GAL3ST4: variants seen among roughly 807,000 people sequenced by gnomAD.
GAL3ST4 encodes beta-galactose-3-O-sulfotransferase 4.
GAL3ST4 carries 30 observed loss-of-function variants against 31.6 expected under a neutral mutation model. That is an observed-to-expected ratio of 0.95 (90% CI 0.71 to 1.29). The LOEUF is 1.29. GAL3ST4 is among the 50% of genes most tolerant of loss of function. The pLI is 0.00. For missense variants in GAL3ST4, 629 were observed against 625.2 expected, an observed-to-expected ratio of 1.01 and a Z score of -0.06; for synonymous variants, 248 against 256.9, an observed-to-expected ratio of 0.97 and a Z score of 0.33.
chr7:100,166,948 G>A (rs1484055387), intron 2 of GAL3ST4, 23 bp downstream of exon 2: 3 of 1,592,382 alleles, frequency 1.9e-6, no homozygotes, highest in Non-Finnish European at 2.6e-6. Flanking sequence ...TCTAGAAGGA[G>A]TTGGGGCAAA....
Position 100,167,520 on chromosome 7 carries a change from A to G in GAL3ST4, c.-188-237T>C, listed in dbSNP as rs1271827502. The stretch of plus-strand genomic sequence containing the variant: ...CTGAGCCTTGGGGATTTATAAGGGA[A>G]GGAGAGAAAAAGCCCCAGCTCGTGA... On this transcript the variant is annotated intron_variant, in intron 1 of 3. Coordinates refer to ENST00000360039, the MANE Select transcript of GAL3ST4 (RefSeq NM_024637.5). 5 of 198,900 alleles carry G rather than the reference A, an allele frequency of 2.5e-5. No homozygotes were observed. The Admixed American group carries it at 2.7e-4, about 11-fold the overall frequency. The allele number at this position is 198,900 out of a possible 1,614,324, so 12.3% of individuals were successfully genotyped here.
Position 100,159,719 on chromosome 7 carries a change from C to CA in GAL3ST4, c.*208dup, listed in dbSNP as rs374600359. 47,707 of 421,046 alleles carry CA rather than the reference C, an allele frequency of 0.11. 276 individuals are homozygous for CA. Among genetic ancestry groups the CA allele is most frequent in the African/African-American group, 0.14 (6,421 of 44,868 alleles). The allele number at this position is 421,046 out of a possible 1,614,324, so 26.1% of individuals were successfully genotyped here. ...TGGGGGACAGAGCAAGACTCCGTTT[C>CA]AAAAAAAAAAAAAGTTGGGGGGAAA... On this transcript the variant is annotated 3_prime_UTR_variant, in exon 4 of 4. Transcript: ENST00000360039.
rs1004641639 is a variant in GAL3ST4 at position 100,166,518 on chromosome 7, C to G, written c.413G>C (p.Arg138Thr). The change falls in exon 3 of 4, where the codon AGG (arginine) becomes ACG (threonine). Residue 138 changes from arginine (R) to threonine (T), a missense_variant. Physicochemically the swap from Arg to Thr is moderately conservative, Grantham distance 71 (BLOSUM62 -1). Transcript: ENST00000360039. ...LPFHILCHHM[R>T]FNLKEVLQVM... ...ACTCCTTACCTCTTTCAGGTTGAAC[C>G]TCATGTGGTGACAGAGGATGTGGAA... The G allele has an allele frequency of 6.2e-7, 1 of 1,613,326 alleles. No homozygotes were observed. The highest frequency in any genetic ancestry group is 8.5e-7 in the Non-Finnish European group (1 of 1,179,590).
chr7:100,166,651 C>G lies in GAL3ST4; in HGVS notation c.280G>C (p.Gly94Arg). 6.2e-7 allele frequency: 1 copy of G among 1,614,188 alleles called. No individual in the cohort carries two copies. The highest frequency in any genetic ancestry group is 8.5e-7 in the Non-Finnish European group (1 of 1,180,028). Residue 94 changes from glycine (G) to arginine (R), a missense_variant, in exon 3 of 4, where the codon GGG (glycine) becomes CGG (arginine). Gly to Arg is a moderately radical substitution (Grantham distance 125). Coordinates refer to ENST00000360039, the MANE Select transcript of GAL3ST4 (RefSeq NM_024637.5). Reference sequence around the variant, plus strand: ...CGGGCAGGGAGGGCGAAGCGCAGCCCGTGCTGGTCCCCATAGCGGTGAAGC... The same window carrying G: ...CGGGCAGGGAGGGCGAAGCGCAGCCGGTGCTGGTCCCCATAGCGGTGAAGC... ...SLLHRYGDQH[G>R]LRFALPARYQ...
Position 100,167,140 on chromosome 7 carries a change from C to T in GAL3ST4, c.-45G>A, listed in dbSNP as rs1347300136. On this transcript the variant is annotated 5_prime_UTR_variant, in exon 2 of 4. An upstream open reading frame in the 5' UTR gains an earlier in-frame stop. Transcript: ENST00000360039. Reference sequence around the variant, plus strand: ...GGTGACAGAGAGATGGAGCCAGGGCCAGGAAGAGGGGCAGAGACAGCTGGA... The same window carrying T: ...GGTGACAGAGAGATGGAGCCAGGGCTAGGAAGAGGGGCAGAGACAGCTGGA... 1.9e-6 allele frequency: 3 copies of T among 1,551,788 alleles called. No homozygotes were observed. The highest frequency in any genetic ancestry group is 4.9e-5 in the East Asian group (2 of 40,988).
rs766188075 is a variant in GAL3ST4, at chr7:100,160,194, G to T, written c.1195C>A (p.Arg399Ser). The T allele has an allele frequency of 6.2e-7, 1 of 1,614,128 alleles. No homozygotes were observed. The highest frequency in any genetic ancestry group is 1.7e-5 in the Admixed American group (1 of 60,024). The part of the protein sequence containing the change: ...LQTAVAELRA[R>S]REALAKHCLV... The stretch of plus-strand genomic sequence containing the variant: ...CAATGTTTCGCTAGGGCCTCTCGGC[G>T]AGCCCGGAGCTCGGCCACAGCTGTC... The change falls in exon 4 of 4, where the codon CGC becomes AGC. Residue 399 changes from arginine (R) to serine (S), a missense_variant. Arg to Ser is a moderately radical substitution (Grantham distance 110). Transcript: ENST00000360039.
chr7:100,168,311 A>G lies in GAL3ST4; in HGVS notation c.-189+235T>C, dbSNP rs775581839. Reference sequence around the variant, plus strand: ...CTGCCCTCTCTGGCATCACTCCCCAATTCCCTCCCTGATCACAGCCCCTGG... The same window carrying G: ...CTGCCCTCTCTGGCATCACTCCCCAGTTCCCTCCCTGATCACAGCCCCTGG... On this transcript the variant is annotated intron_variant, in intron 1 of 3. Transcript: ENST00000360039. This position sits in a 1 kb window ranked among gnomAD's most constrained non-coding sequence, Gnocchi z 4.1. Among the ~76,000 whole-genome samples the G allele has an allele frequency of 2.0e-5, 3 of 151,666 alleles. No homozygotes were observed. The highest frequency in any genetic ancestry group is 4.4e-5 in the Non-Finnish European group (3 of 67,922).
At chr7:100,165,181 T>C (rs1238589991) in intron 3 of GAL3ST4, among the ~76,000 whole-genome samples, 1 of 151,526 alleles carries the variant, frequency 6.6e-6, no homozygotes, top group South Asian at 2.1e-4. Context: ...GCCTTTTTTT[T>C]CTTTTGTGAA....
rs61284255 is a variant in GAL3ST4 at position 100,165,819 on chromosome 7, TCACA to T, written c.429+679_429+682del. Among the ~76,000 whole-genome samples, 590 of 136,358 alleles carry T rather than the reference TCACA, an allele frequency of 4.3e-3. 5 individuals carry two copies. Among genetic ancestry groups the T allele is most frequent in the African/African-American group, 9.3e-3 (334 of 35,830 alleles). 89.5% of individuals were successfully genotyped at this position (136,358 alleles called of 152,430 possible). A position where few individuals can be genotyped will look rare whatever the true frequency, so the allele number is the denominator to read the frequency against. On this transcript the variant is annotated intron_variant, in intron 3 of 3. Transcript: ENST00000360039. ...CTGGATGACAGAATGAGACCCTGTC[TCACA>T]CACACACACACACACACACACACAC...
At chr7:100,162,348 C>T (rs1041268884) in intron 3 of GAL3ST4, among the ~76,000 whole-genome samples, 1 of 151,370 alleles carries the variant, frequency 6.6e-6, no homozygotes, top group African/African-American at 2.4e-5. Context: ...AGTTCAAGAC[C>T]AGCCTGGCCA....
At position 100,167,199 on chromosome 7, in the gene GAL3ST4, A is replaced by G. The variant is rs1030705896; in HGVS notation, c.-104T>C. On this transcript the variant is annotated 5_prime_UTR_variant, in exon 2 of 4. Coordinates refer to ENST00000360039, the MANE Select transcript of GAL3ST4 (RefSeq NM_024637.5). ...TGCAGCTGCGGAAGGCACTGGTTGG[A>G]GATCGGGGGGTCATTCCCCAGGCCT... is the stretch of plus-strand genomic sequence containing the variant. 1.2e-5 allele frequency: 18 copies of G among 1,546,560 alleles called. No individual in the cohort carries two copies. Among genetic ancestry groups the G allele is most frequent in the Non-Finnish European group, 1.5e-5 (17 of 1,144,640 alleles).
At chr7:100,165,002 G>A (rs1376981344) in intron 3 of GAL3ST4, among the ~76,000 whole-genome samples, 1 of 151,414 alleles carries the variant, frequency 6.6e-6, no homozygotes, top group East Asian at 2.0e-4. Context: ...AGCCTCCTGA[G>A]TAGCTGGGAC....
chr7:100,166,128 C>T (rs1799068985), intron 3 of GAL3ST4, among the ~76,000 whole-genome samples: 1 of 152,130 alleles, frequency 6.6e-6, no homozygotes. Flanking sequence ...TGTGCCACTG[C>T]ACTCCAGCCT....
In GAL3ST4 at chr7:100,159,965, G is replaced by T. The variant is rs771376387; in HGVS notation, c.1424C>A (p.Ser475Ter). 6.2e-7 allele frequency: 1 copy of T among 1,612,186 alleles called. No individual in the cohort carries two copies. Among genetic ancestry groups the T allele is most frequent in the Non-Finnish European group, 8.5e-7 (1 of 1,179,020 alleles). ...TGGCCTTGAAGTCTTGAGGGGCAGT[G>T]AGACGGTAGGGGGGAACTGCTTGGC... ...LDAKQFPPTV[S>*]LPLKTSRPLS... Residue 475 changes from serine (S) to a stop codon, truncating the protein, a stop_gained, in exon 4 of 4, where the codon TCA becomes TAA. Transcript: ENST00000360039. LOFTEE classifies it high-confidence loss of function.
Position 100,166,579 on chromosome 7 carries a change from C to G in GAL3ST4, c.352G>C (p.Gly118Arg). The G allele has an allele frequency of 6.2e-7, 1 of 1,614,202 alleles. No homozygotes were observed. Among genetic ancestry groups the G allele is most frequent in the Non-Finnish European group, 8.5e-7 (1 of 1,180,046 alleles). ...GTGCCTCCACCCTGTGGGCGGTAGC[C>G]TTTTACCCTAGAGGCCTGGAAGAGC... is the stretch of plus-strand genomic sequence containing the variant. ...PKLFQASRVK[G>R]YRPQGGGTQL... is the part of the protein sequence containing the mutation. Residue 118 changes from glycine to arginine, a missense_variant, in exon 3 of 4, where the codon GGC (glycine) becomes CGC (arginine). Transcript: ENST00000360039.
rs771023826 is a variant in GAL3ST4 at position 100,160,367 on chromosome 7, C to T, written c.1022G>A (p.Ser341Asn). The T allele has an allele frequency of 6.2e-7, 1 of 1,614,100 alleles. No individual in the cohort carries two copies. Among genetic ancestry groups the T allele is most frequent in the Non-Finnish European group, 8.5e-7 (1 of 1,180,032 alleles). ...NAQAGHKQGL[S>N]TVSNSGLTAE... is the part of the protein sequence containing the mutation. ...AGTCAGTCCACTGTTGCTGACAGTG[C>T]TGAGGCCCTGCTTATGTCCAGCCTG... Residue 341 changes from serine to asparagine, a missense_variant, in exon 4 of 4, where the codon AGC becomes AAC. Physicochemically the swap from Ser to Asn is conservative, Grantham distance 46 (BLOSUM62 1). Transcript: ENST00000360039.
At chr7:100,167,538 G>C (rs1398173491) in intron 1 of GAL3ST4, 1 of 192,108 alleles carries the variant, frequency 5.2e-6, no homozygotes, top group Non-Finnish European at 1.1e-5. Context: ...AAAAGCCCCA[G>C]CTCGTGAATG....
chr7:100,161,041 G>A (rs1798997137), intron 3 of GAL3ST4, 82 bp from the exon 4 acceptor site: 5 of 1,254,234 alleles, frequency 4.0e-6, no homozygotes, highest in Non-Finnish European at 4.3e-6. Context: ...TGTGTCCGCT[G>A]ACCAGCCTCC....
chr7:100,160,070 C>G lies in GAL3ST4; in HGVS notation c.1319G>C (p.Arg440Pro). ...GSAKVLGYIL[R>P]SGLSPQDQEE... ...TTGGTCTTGGGGGCTCAATCCACTC[C>G]GAAGTATATAGCCCAAAACCTTAGC... is the stretch of plus-strand genomic sequence containing the variant. The change falls in exon 4 of 4, where the codon CGG becomes CCG. Residue 440 changes from arginine to proline, a missense_variant. By Grantham distance (103) the Arg-to-Pro change is moderately radical. Transcript: ENST00000360039. 1 of 1,614,082 alleles carries G rather than the reference C, an allele frequency of 6.2e-7. No homozygotes were observed. Among genetic ancestry groups the G allele is most frequent in the Non-Finnish European group, 8.5e-7 (1 of 1,180,022 alleles).
Sources: allele counts gnomAD v4.1 joint callset (sites outside exome capture counted in the v4.1 genomes callset), GRCh38; gene constraint gnomAD v4.1.1; non-coding constraint Gnocchi (gnomAD v3.1); transcripts MANE v1.5; gene names NCBI Gene and HGNC (gene_info 2026-07-23, HGNC 2026-07-21).